Variants in CNTNAP2 observed in about 807,000 individuals in gnomAD.
CNTNAP2 encodes contactin-associated protein-like 2.
Under a neutral mutation model 155.2 loss-of-function variants are expected in CNTNAP2, and 98 were observed. That is an observed-to-expected ratio of 0.63 (90% confidence interval 0.54 to 0.75). CNTNAP2 has a LOEUF of 0.75. CNTNAP2 is among the 30% of genes least tolerant of loss of function. CNTNAP2 has a pLI of 0.00. For synonymous variants in CNTNAP2, 651 were observed against 631.2 expected (o/e 1.03, Z -0.47); for missense variants, 1,727 against 1,688.1 (o/e 1.02, Z -0.40).
At chr7:146,340,705 A>G (rs754527052) in intron 1 of CNTNAP2, among the ~76,000 whole-genome samples, 4 of 152,142 alleles carry the variant, frequency 2.6e-5, no homozygotes, top group Non-Finnish European at 5.9e-5. Flanking sequence ...AATCGGATCT[A>G]CTAAGATTCT....
intron 4 of CNTNAP2, among the ~76,000 whole-genome samples, chr7:147,072,848 C>CTTTTTTTTTTT (rs71165064): frequency 1.1e-5 from 1 of 93,684 alleles, no homozygotes; most frequent in Non-Finnish European, 2.0e-5. Context: ...TTCCTTTATT[C>CTTTTTTTTTTT]TTTTTTTTTT....
chr7:147,724,547 T>G (rs1584920881), intron 13 of CNTNAP2, among the ~76,000 whole-genome samples: 1 of 152,046 alleles, frequency 6.6e-6, no homozygotes, highest in Admixed American at 6.6e-5. Flanking sequence ...TGTTGAGGTG[T>G]TGTTGTTTAA....
intron 12 of CNTNAP2, among the ~76,000 whole-genome samples, chr7:147,579,415 T>A (rs1036253436): frequency 5.4e-4 from 82 of 152,304 alleles, no homozygotes; most frequent in African/African-American, 1.6e-3. Flanking sequence ...GTGGAACTTA[T>A]AATGTTATAA....
At chr7:146,422,009 A>G (rs1483521803) in intron 1 of CNTNAP2, among the ~76,000 whole-genome samples, 1 of 151,910 alleles carries the variant, frequency 6.6e-6, no homozygotes, top group Non-Finnish European at 1.5e-5. Flanking sequence ...TCTATTCAAC[A>G]AAAGTGATAC....
intron 4 of CNTNAP2, among the ~76,000 whole-genome samples, chr7:147,088,720 A>G (rs1014543669): frequency 6.6e-6 from 1 of 152,174 alleles, no homozygotes; most frequent in African/African-American, 2.4e-5. Context: ...CAAGGCAGGA[A>G]AATGGCTTGA....
intron 8 of CNTNAP2, among the ~76,000 whole-genome samples, chr7:147,176,365 A>G (rs1802338318): frequency 1.3e-5 from 2 of 152,122 alleles, no homozygotes; most frequent in African/African-American, 4.8e-5. Context: ...TTATTCTGTC[A>G]TAGGACATTG....
chr7:147,484,564 C>A (rs1016231572), intron 10 of CNTNAP2, among the ~76,000 whole-genome samples: 2 of 152,190 alleles, frequency 1.3e-5, no homozygotes, highest in East Asian at 1.9e-4. Context: ...TAGTGCTGTG[C>A]ATATAGCAGG....
rs375837965 is a variant in CNTNAP2 at position 146,206,302 on chromosome 7, A to G, written c.97+89329A>G. Among the ~76,000 whole-genome samples the G allele has an allele frequency of 1.3e-4, 20 of 152,044 alleles. No homozygotes were observed. The East Asian group carries it at 2.7e-3, about 21-fold the overall frequency. ...GAATAAATTGCTAGAAGAAAACAAC[A>G]TACTATGTTGTGCTTAATGAAACAT... On this transcript the variant is annotated intron_variant, in intron 1 of 23. Coordinates refer to ENST00000361727, the MANE Select transcript of CNTNAP2 (RefSeq NM_014141.6).
At chr7:147,029,726 A>T (rs892167325) in intron 3 of CNTNAP2, among the ~76,000 whole-genome samples, 3 of 152,176 alleles carry the variant, frequency 2.0e-5, no homozygotes, top group Non-Finnish European at 4.4e-5. Flanking sequence ...GAAGAGTAAA[A>T]TTGTTAATGC....
intron 13 of CNTNAP2, among the ~76,000 whole-genome samples, chr7:147,814,046 A>G (rs1337362587): frequency 6.6e-6 from 1 of 152,102 alleles, no homozygotes; most frequent in African/African-American, 2.4e-5. Context: ...GATAATTTTT[A>G]TTTCTGATTC....
chr7:147,387,356 G>A (rs865909715), intron 9 of CNTNAP2, among the ~76,000 whole-genome samples: 24 of 151,978 alleles, frequency 1.6e-4, no homozygotes, highest in South Asian at 8.3e-4. Context: ...GTCATTTGTC[G>A]CTTGTCCTGA....
intron 1 of CNTNAP2, among the ~76,000 whole-genome samples, chr7:146,395,798 T>C (rs1444465416): frequency 7.2e-6 from 1 of 139,702 alleles, no homozygotes; most frequent in Non-Finnish European, 1.5e-5. Flanking sequence ...GATAGATAGA[T>C]AGATAGATAG....
intron 1 of CNTNAP2, among the ~76,000 whole-genome samples, chr7:146,119,897 T>C (rs531537333): frequency 6.6e-6 from 1 of 151,988 alleles, no homozygotes; most frequent in Non-Finnish European, 1.5e-5. Context: ...AATATATATG[T>C]ATTTGTTCAT....
intron 19 of CNTNAP2, among the ~76,000 whole-genome samples, chr7:148,224,534 G>A (rs971058472): frequency 9.9e-5 from 15 of 152,156 alleles, no homozygotes; most frequent in African/African-American, 3.1e-4. Flanking sequence ...CATTGCAACC[G>A]CTATTTGGAA....
At chr7:146,535,884 G>T (rs1426793237) in intron 1 of CNTNAP2, among the ~76,000 whole-genome samples, 1 of 152,024 alleles carries the variant, frequency 6.6e-6, no homozygotes, top group Non-Finnish European at 1.5e-5. Context: ...TGATCATTCA[G>T]TGTAGATGGA....
intron 13 of CNTNAP2, among the ~76,000 whole-genome samples, chr7:147,804,882 C>T (rs546631319): frequency 3.7e-4 from 56 of 152,070 alleles, no homozygotes; most frequent in Non-Finnish European, 6.3e-4. Context: ...TCACCACCTC[C>T]CACACCAAGC....
intron 21 of CNTNAP2, among the ~76,000 whole-genome samples, chr7:148,366,312 A>G (rs1003500341): frequency 2.5e-5 from 3 of 117,652 alleles, no homozygotes; most frequent in African/African-American, 7.9e-5. Context: ...GTATGTATGT[A>G]TACATTATGT....
intron 4 of CNTNAP2, among the ~76,000 whole-genome samples, chr7:147,048,657 G>A (rs1283685862): frequency 6.6e-6 from 1 of 152,146 alleles, no homozygotes; most frequent in Non-Finnish European, 1.5e-5. Flanking sequence ...CTACTAGCAT[G>A]TGAAATATAG....
intron 11 of CNTNAP2, among the ~76,000 whole-genome samples, chr7:147,493,366 A>G (rs1165255899): frequency 6.6e-6 from 1 of 152,112 alleles, no homozygotes; most frequent in African/African-American, 2.4e-5. Flanking sequence ...AATTCCTTCA[A>G]TTTACTTTCC....
Sources: gnomAD v4.1 joint callset for allele counts (sites outside exome capture counted in the v4.1 genomes callset) on GRCh38, gnomAD v4.1.1 for gene constraint, MANE v1.5 for transcripts, NCBI Gene and HGNC (gene_info 2026-07-23, HGNC 2026-07-21) for gene names.